Variants in CPQ observed in about 807,000 individuals in gnomAD.
CPQ encodes carboxypeptidase Q.
CPQ carries 37 observed loss-of-function variants against 45.7 expected under a neutral mutation model. That is an observed-to-expected ratio of 0.81 (90% CI 0.62 to 1.07). The LOEUF is 1.07. Ranked by LOEUF, CPQ falls within the 50% of genes least tolerant of loss-of-function variation. The probability of loss-of-function intolerance (pLI) is 0.00; values close to 1 mark genes in which losing one functional copy is unlikely to be tolerated. For synonymous variants in CPQ, 186 were observed against 205.8 expected (o/e 0.90, Z 0.82); for missense variants, 537 against 572.9 (o/e 0.94, Z 0.64).
At chr8:97,056,695 T>G (rs1186632773) in intron 6 of CPQ, 3 of 152,224 alleles carry the variant, frequency 2.0e-5, no homozygotes, top group Non-Finnish European at 2.9e-5. Context: ...TAAGCTCTGA[T>G]CCTCTCTTGG....
At chr8:96,662,330 TTGA>T (rs775962057) in intron 1 of CPQ, among the ~76,000 whole-genome samples, 6 of 152,350 alleles carry the variant, frequency 3.9e-5, no homozygotes, top group East Asian at 3.9e-4. Flanking sequence ...AAAATTTCTC[TTGA>T]TGAAGATATG....
chr8:97,029,562 A>G lies in CPQ; in HGVS notation c.1053+68A>G, dbSNP rs895085917. 5.8e-6 allele frequency: 8 copies of G among 1,369,154 alleles called. No individual in the cohort carries two copies. In the Admixed American group the frequency reaches 1.6e-4, roughly 27 times the overall value. 84.8% of individuals were successfully genotyped at this position (1,369,154 alleles called of 1,614,324 possible). On this transcript the variant is annotated intron_variant, in intron 6 of 7. Coordinates refer to ENST00000220763, the MANE Select transcript of CPQ (RefSeq NM_016134.4). ...TATACAAAAATCCCTCTCATTGTCC[A>G]TTTAAGACTTCAATAATACTTTCTG...
At chr8:96,821,232 A>G (rs1811304438) in intron 2 of CPQ, among the ~76,000 whole-genome samples, 1 of 135,962 alleles carries the variant, frequency 7.4e-6, no homozygotes, top group Admixed American at 8.3e-5. Context: ...ATTTTCTCTC[A>G]TTCTGTGTGT....
chr8:96,715,527 G>A (rs940417129), intron 1 of CPQ, among the ~76,000 whole-genome samples: 2 of 152,278 alleles, frequency 1.3e-5, no homozygotes, highest in Non-Finnish European at 2.9e-5. Context: ...GTACCCACAC[G>A]AAGCTCCCAT....
Position 96,763,096 on chromosome 8 carries a change from C to T in CPQ, c.-34-21768C>T, listed in dbSNP as rs113399486. Among the ~76,000 whole-genome samples the T allele has an allele frequency of 6.7e-3, 1,025 of 152,116 alleles. 12 individuals are homozygous for T. The highest frequency in any genetic ancestry group is 0.023 in the African/African-American group (957 of 41,510). ...ATGTGGTCTCTTCTCTCTGCCTGTCCCTGTCCAACTTTCCTCTTCTTATAA... is the reference window on the plus strand; with the variant it reads ...ATGTGGTCTCTTCTCTCTGCCTGTCTCTGTCCAACTTTCCTCTTCTTATAA... On this transcript the variant is annotated intron_variant, in intron 1 of 7. Transcript: ENST00000220763.
intron 6 of CPQ, among the ~76,000 whole-genome samples, chr8:97,057,180 G>A (rs542388014): frequency 2.0e-5 from 3 of 152,212 alleles, no homozygotes; most frequent in Admixed American, 6.5e-5. Flanking sequence ...AAAATGTATA[G>A]TCACCCTATC....
intron 6 of CPQ, among the ~76,000 whole-genome samples, chr8:97,043,908 C>T (rs921511334): frequency 6.6e-6 from 1 of 152,172 alleles, no homozygotes; most frequent in Non-Finnish European, 1.5e-5. Context: ...TCTCTGGCTG[C>T]CCTTAACATT....
chr8:96,952,111 T>C (rs1306813468), intron 4 of CPQ, among the ~76,000 whole-genome samples: 1 of 152,160 alleles, frequency 6.6e-6, no homozygotes, highest in Admixed American at 6.6e-5. Flanking sequence ...GCACCCATTA[T>C]GCCATGTGAG....
At chr8:96,990,450 G>C (rs1205671617) in intron 5 of CPQ, among the ~76,000 whole-genome samples, 1 of 152,126 alleles carries the variant, frequency 6.6e-6, no homozygotes, top group Non-Finnish European at 1.5e-5. Context: ...CTTGTTGAAG[G>C]GCATGTTGAA....
intron 3 of CPQ, among the ~76,000 whole-genome samples, chr8:96,854,549 A>ACAAAAAC (rs1811817997): frequency 1.8e-5 from 2 of 112,010 alleles, no homozygotes; most frequent in Non-Finnish European, 3.7e-5. Flanking sequence ...AAAAAAAAAA[A>ACAAAAAC]AAAAAAAAAA....
chr8:96,669,676 G>A (rs983461970), intron 1 of CPQ, among the ~76,000 whole-genome samples: 12 of 152,122 alleles, frequency 7.9e-5, no homozygotes, highest in African/African-American at 1.2e-4. Context: ...TGTTAATGGC[G>A]TAAATGTAAC....
chr8:96,647,276 G>A (rs1196444524), intron 1 of CPQ, among the ~76,000 whole-genome samples: 1 of 152,134 alleles, frequency 6.6e-6, no homozygotes, highest in Non-Finnish European at 1.5e-5. Flanking sequence ...AAGGAGAAGT[G>A]GAATACACAT....
At chr8:96,818,543 C>T (rs955394372) in intron 2 of CPQ, among the ~76,000 whole-genome samples, 5 of 151,942 alleles carry the variant, frequency 3.3e-5, no homozygotes. Flanking sequence ...ATCTGTGAAG[C>T]ACAAAAAGGC....
At chr8:96,871,545 T>G (rs1271955783) in intron 3 of CPQ, among the ~76,000 whole-genome samples, 3 of 150,792 alleles carry the variant, frequency 2.0e-5, no homozygotes, top group Non-Finnish European at 4.4e-5. Flanking sequence ...TTTTTTTTTT[T>G]TTTTTTTTTT....
chr8:97,075,483 C>G (rs184481783), intron 7 of CPQ, among the ~76,000 whole-genome samples: 24 of 152,236 alleles, frequency 1.6e-4, no homozygotes, highest in Non-Finnish European at 2.5e-4. Context: ...ACCCTTCTCT[C>G]CTGGAGCTCA....
chr8:96,763,598 A>G (rs1365885993), intron 1 of CPQ, among the ~76,000 whole-genome samples: 1 of 152,160 alleles, frequency 6.6e-6, no homozygotes, highest in Non-Finnish European at 1.5e-5. Flanking sequence ...ACAGACAGGG[A>G]GAATATATAT....
At chr8:97,046,226 G>T (rs1209934158) in intron 6 of CPQ, among the ~76,000 whole-genome samples, 1 of 151,512 alleles carries the variant, frequency 6.6e-6, no homozygotes, top group Non-Finnish European at 1.5e-5. Context: ...AAACACAAAG[G>T]CATACTTTTT....
intron 1 of CPQ, among the ~76,000 whole-genome samples, chr8:96,669,133 A>G (rs967275947): frequency 2.6e-5 from 4 of 152,174 alleles, no homozygotes; most frequent in Non-Finnish European, 5.9e-5. Context: ...CTTCCCATCA[A>G]CCAGTAATGA....
chr8:97,002,850 T>A (rs1395510949), intron 5 of CPQ, among the ~76,000 whole-genome samples: 1 of 152,148 alleles, frequency 6.6e-6, no homozygotes, highest in Non-Finnish European at 1.5e-5. Context: ...TCTAATATTG[T>A]CAGTGGGGTA....
Sources: gnomAD v4.1 joint callset for allele counts (sites outside exome capture counted in the v4.1 genomes callset) on GRCh38, gnomAD v4.1.1 for gene constraint, MANE v1.5 for transcripts, NCBI Gene and HGNC (gene_info 2026-07-23, HGNC 2026-07-21) for gene names.